ROBO2: variants seen among roughly 807,000 people sequenced by gnomAD.
ROBO2 encodes the protein roundabout guidance receptor 2.
In ROBO2, 53 loss-of-function variants were observed where a neutral mutation model predicts 160.8. That is an observed-to-expected ratio of 0.33 (90% CI 0.26 to 0.41). The LOEUF (loss-of-function observed/expected upper bound fraction) is 0.41, where lower values mean the gene tolerates loss of function less well. Ranked by LOEUF, ROBO2 falls within the 10% of genes least tolerant of loss-of-function variation. The probability of loss-of-function intolerance (pLI) is 1.00; values close to 1 mark genes in which losing one functional copy is unlikely to be tolerated. For missense variants in ROBO2, 1,577 were observed against 1,722.4 expected (o/e 0.92, Z 1.49); for synonymous variants, 664 against 611.7 (o/e 1.09, Z -1.26).
chr3:76,910,408 T>C (rs2075895657), intron 2 of ROBO2, among the ~76,000 whole-genome samples: 2 of 151,992 alleles, frequency 1.3e-5, no homozygotes, highest in Non-Finnish European at 2.9e-5. Flanking sequence ...TTGAATGGGC[T>C]ATGGAAAGGG....
intron 2 of ROBO2, among the ~76,000 whole-genome samples, chr3:77,339,825 C>A (rs1420679970): frequency 6.6e-6 from 1 of 151,814 alleles, no homozygotes; most frequent in Non-Finnish European, 1.5e-5. Context: ...ATTTTTTTCC[C>A]CTTTCCACTT....
At chr3:77,410,818 CCTT>C (rs947210130) in intron 2 of ROBO2, among the ~76,000 whole-genome samples, 2 of 147,870 alleles carry the variant, frequency 1.4e-5, no homozygotes, top group East Asian at 2.1e-4. Flanking sequence ...TCCTTCTTCT[CCTT>C]CTTCTTCTTG....
chr3:76,179,778 G>A (rs1559617400), intron 2 of ROBO2, among the ~76,000 whole-genome samples: 1 of 152,084 alleles, frequency 6.6e-6, no homozygotes, highest in African/African-American at 2.4e-5. Flanking sequence ...TACAAACTTG[G>A]CTTGGTTTTT....
chr3:76,460,114 G>A (rs1271715550), intron 2 of ROBO2, among the ~76,000 whole-genome samples: 2 of 151,702 alleles, frequency 1.3e-5, no homozygotes, highest in Non-Finnish European at 2.9e-5. Context: ...TTGTTCTTGT[G>A]ACAGTGTTTT....
At chr3:75,945,181 A>G (rs899593278) in intron 2 of ROBO2, among the ~76,000 whole-genome samples, 1 of 152,206 alleles carries the variant, frequency 6.6e-6, no homozygotes, top group Non-Finnish European at 1.5e-5. Context: ...ATTCTAACAT[A>G]GGGAGACAGA....
chr3:76,216,392 A>T (rs1703531753), intron 2 of ROBO2, among the ~76,000 whole-genome samples: 1 of 152,202 alleles, frequency 6.6e-6, no homozygotes, highest in Admixed American at 6.5e-5. Flanking sequence ...AAGACCCATC[A>T]GTGTGCTGTA....
chr3:77,503,478 C>A (rs1439651133), intron 5 of ROBO2, among the ~76,000 whole-genome samples: 1 of 150,494 alleles, frequency 6.6e-6, no homozygotes, highest in Non-Finnish European at 1.5e-5. Flanking sequence ...GAGCCAAGAT[C>A]GCGCCACTGC....
chr3:76,836,498 T>C (rs2067705440), intron 2 of ROBO2, among the ~76,000 whole-genome samples: 2 of 151,540 alleles, frequency 1.3e-5, no homozygotes, highest in Admixed American at 6.6e-5. Flanking sequence ...AAATATGGAA[T>C]TTGTTTTCAG....
At chr3:77,212,261 T>G (rs575039058) in intron 2 of ROBO2, among the ~76,000 whole-genome samples, 2 of 152,212 alleles carry the variant, frequency 1.3e-5, no homozygotes, top group African/African-American at 4.8e-5. Context: ...TGAGCAGTGC[T>G]TTGTAGTTCT....
At chr3:76,926,851 C>G (rs1250437211) in intron 2 of ROBO2, among the ~76,000 whole-genome samples, 3 of 151,220 alleles carry the variant, frequency 2.0e-5, no homozygotes, top group Non-Finnish European at 1.5e-5. Context: ...ATTATTGTAA[C>G]CTATTTACTA....
At chr3:77,086,345 T>C (rs1053528090) in intron 1 of ROBO2, among the ~76,000 whole-genome samples, 2 of 152,134 alleles carry the variant, frequency 1.3e-5, no homozygotes, top group African/African-American at 4.8e-5. Flanking sequence ...ATTCGACTGA[T>C]ACTGCTATGT....
chr3:77,394,687 A>T (rs2075091492), intron 2 of ROBO2, among the ~76,000 whole-genome samples: 1 of 152,168 alleles, frequency 6.6e-6, no homozygotes, highest in Non-Finnish European at 1.5e-5. Context: ...AACAGTAAAC[A>T]AGTCTTTATA....
At chr3:76,211,356 T>C (rs1050835630) in intron 2 of ROBO2, among the ~76,000 whole-genome samples, 19 of 152,120 alleles carry the variant, frequency 1.2e-4, no homozygotes, top group Non-Finnish European at 2.5e-4. Context: ...AAGAACTTGT[T>C]CAGCTAAAGT....
At chr3:76,000,005 T>C (rs960981811) in intron 2 of ROBO2, among the ~76,000 whole-genome samples, 4 of 152,314 alleles carry the variant, frequency 2.6e-5, no homozygotes, top group African/African-American at 9.6e-5. Context: ...TATGTTTATA[T>C]CCAAATATTT....
intron 2 of ROBO2, among the ~76,000 whole-genome samples, chr3:77,421,046 A>G (rs959656978): frequency 6.6e-6 from 1 of 152,156 alleles, no homozygotes; most frequent in Non-Finnish European, 1.5e-5. Flanking sequence ...GGAAGGGAAA[A>G]CCATCATAGT....
At chr3:76,517,983 A>G (rs1175638779) in intron 2 of ROBO2, among the ~76,000 whole-genome samples, 2 of 151,908 alleles carry the variant, frequency 1.3e-5, no homozygotes. Flanking sequence ...CTTTTTTTAT[A>G]TTAAAAAAAA....
rs370463246 is a variant in ROBO2 at position 76,899,458 on chromosome 3, T to C, written c.110-198556T>C. ...GAAAGTTCTCTCTTACAGGGACTTA[T>C]GTCTTGCCTTCCAAACATGTGAATA... On this transcript the variant is annotated intron_variant, in intron 2 of 26. Coordinates refer to the ROBO2 transcript ENST00000487694. 3.9e-5 allele frequency among the ~76,000 whole-genome samples: 6 copies of C among 152,306 alleles called. No homozygotes were observed. In the East Asian group the frequency reaches 5.8e-4, roughly 15 times the overall value.
chr3:77,157,589 G>A (rs2150580670), intron 2 of ROBO2, among the ~76,000 whole-genome samples: 1 of 152,218 alleles, frequency 6.6e-6, no homozygotes, highest in Middle Eastern at 3.4e-3. Context: ...AGTCCATGGG[G>A]TGAGGACTTG....
intron 2 of ROBO2, among the ~76,000 whole-genome samples, chr3:76,351,921 G>A (rs1010207407): frequency 6.6e-6 from 1 of 151,926 alleles, no homozygotes; most frequent in Middle Eastern, 3.2e-3. Flanking sequence ...CAAAGTGTTT[G>A]GGACATAGCC....
Sources: gnomAD v4.1 joint callset for allele counts (sites outside exome capture counted in the v4.1 genomes callset) on GRCh38, gnomAD v4.1.1 for gene constraint, MANE v1.5 for transcripts, NCBI Gene and HGNC (gene_info 2026-07-23, HGNC 2026-07-21) for gene names.